MACROD2: variants seen among roughly 807,000 people sequenced by gnomAD.
The protein encoded by MACROD2 is ADP-ribose glycohydrolase MACROD2.
A neutral mutation model predicts 70.4 loss-of-function variants in MACROD2; 36 were observed. The ratio of observed to expected loss-of-function variants is 0.51; its 90% CI spans 0.39 to 0.68. The LOEUF (loss-of-function observed/expected upper bound fraction) is 0.68. Among genes scored for constraint, MACROD2 ranks in the 30% least tolerant of loss-of-function variants. MACROD2 has a pLI of 0.00. For missense variants in MACROD2, 496 were observed against 538.4 expected (o/e 0.92, Z 0.78); for synonymous variants, 172 against 178.8 (o/e 0.96, Z 0.30).
chr20:14,651,837 C>T (rs553381053), intron 4 of MACROD2, among the ~76,000 whole-genome samples: 6 of 152,292 alleles, frequency 3.9e-5, no homozygotes, highest in East Asian at 3.9e-4. Flanking sequence ...ATTCCCACTG[C>T]GGATTTCTGT....
intron 3 of MACROD2, among the ~76,000 whole-genome samples, chr20:14,483,203 T>C (rs2084682522): frequency 6.6e-6 from 1 of 152,192 alleles, no homozygotes; most frequent in South Asian, 2.1e-4. Flanking sequence ...AGTGGGTGCC[T>C]AGTACAATGT....
intron 5 of MACROD2, among the ~76,000 whole-genome samples, chr20:15,084,159 G>T (rs552911072): frequency 6.6e-6 from 1 of 150,524 alleles, no homozygotes; most frequent in African/African-American, 2.4e-5. Context: ...TCTGCCTCCC[G>T]GGTTCAAGTG....
At chr20:15,109,465 T>TCA (rs2075937797) in intron 5 of MACROD2, among the ~76,000 whole-genome samples, 1 of 152,096 alleles carries the variant, frequency 6.6e-6, no homozygotes, top group Admixed American at 6.6e-5. Flanking sequence ...GTGCTTAATG[T>TCA]GGAAGAGGTA....
Position 14,645,755 on chromosome 20 carries a change from C to G in MACROD2, c.302-39088C>G, listed in dbSNP as rs944887668. Among the ~76,000 whole-genome samples the G allele has an allele frequency of 2.0e-5, 3 of 151,782 alleles. No homozygotes were observed. In the East Asian group the frequency reaches 5.8e-4, roughly 29 times the overall value. ...CATTTGAAGGATTCTTTCAAAAGTACGTGGTGCTCAAGATGGATTTAAATG... is the reference window on the plus strand; with the variant it reads ...CATTTGAAGGATTCTTTCAAAAGTAGGTGGTGCTCAAGATGGATTTAAATG... On this transcript the variant is annotated intron_variant, in intron 4 of 17. Coordinates refer to ENST00000684519, the MANE Select transcript of MACROD2 (RefSeq NM_001351661.2).
intron 5 of MACROD2, among the ~76,000 whole-genome samples, chr20:14,727,530 G>A (rs991755485): frequency 6.6e-6 from 1 of 151,976 alleles, no homozygotes; most frequent in African/African-American, 2.4e-5. Flanking sequence ...GTGAGACCCT[G>A]TCTCAAAACA....
chr20:15,950,593 C>T (rs1364975968), intron 12 of MACROD2, among the ~76,000 whole-genome samples: 20 of 152,176 alleles, frequency 1.3e-4, no homozygotes, highest in Admixed American at 1.3e-4. Context: ...TAGAATGGCA[C>T]GTCATTGTAT....
At chr20:14,233,723 AGAAAAGAAAT>A (rs1569219211) in intron 3 of MACROD2, among the ~76,000 whole-genome samples, 5 of 149,990 alleles carry the variant, frequency 3.3e-5, no homozygotes, top group African/African-American at 2.4e-5. Flanking sequence ...AGAAAAGAAA[AGAAAAGAAAT>A]GAACTAACAA....
chr20:14,838,645 T>C (rs557893472), intron 5 of MACROD2, among the ~76,000 whole-genome samples: 1 of 152,292 alleles, frequency 6.6e-6, no homozygotes, highest in Middle Eastern at 3.4e-3. Context: ...GATTAGTGAA[T>C]GGCAGAGCTG....
At chr20:15,940,072 AG>A (rs2065728082) in intron 12 of MACROD2, among the ~76,000 whole-genome samples, 1 of 152,126 alleles carries the variant, frequency 6.6e-6, no homozygotes, top group Non-Finnish European at 1.5e-5. Flanking sequence ...TGAAGACAGC[AG>A]GTTTGAGAGT....
chr20:15,319,892 A>G (rs1018668115), intron 6 of MACROD2, among the ~76,000 whole-genome samples: 1 of 152,244 alleles, frequency 6.6e-6, no homozygotes, highest in Non-Finnish European at 1.5e-5. Context: ...ATTATATGAA[A>G]TATCTAGAAT....
chr20:14,492,282 A>G (rs1323706351), intron 3 of MACROD2, among the ~76,000 whole-genome samples: 1 of 152,204 alleles, frequency 6.6e-6, no homozygotes, highest in Admixed American at 6.5e-5. Flanking sequence ...TGACAACAGC[A>G]CTGAGGGCAA....
At chr20:14,615,796 A>G (rs1166231905) in intron 4 of MACROD2, among the ~76,000 whole-genome samples, 5 of 152,274 alleles carry the variant, frequency 3.3e-5, no homozygotes, top group African/African-American at 1.2e-4. Flanking sequence ...AAACTACACT[A>G]AGGATCAATG....
At chr20:15,726,646 C>T (rs1293992744) in intron 8 of MACROD2, among the ~76,000 whole-genome samples, 1 of 152,058 alleles carries the variant, frequency 6.6e-6, no homozygotes, top group African/African-American at 2.4e-5. Context: ...GATGGTATCT[C>T]ATTGTGGTTT....
At chr20:14,138,409 G>A (rs545976981) in intron 3 of MACROD2, among the ~76,000 whole-genome samples, 1 of 152,200 alleles carries the variant, frequency 6.6e-6, no homozygotes, top group South Asian at 2.1e-4. Context: ...TTTATATGCA[G>A]TGGAATATCA....
intron 4 of MACROD2, among the ~76,000 whole-genome samples, chr20:14,597,749 A>G (rs888580160): frequency 6.6e-6 from 1 of 152,036 alleles, no homozygotes; most frequent in Non-Finnish European, 1.5e-5. Context: ...TTTTTTTGGT[A>G]AAGTCTCCTA....
chr20:14,842,937 A>G (rs1372836080), intron 5 of MACROD2, among the ~76,000 whole-genome samples: 1 of 152,020 alleles, frequency 6.6e-6, no homozygotes, highest in Non-Finnish European at 1.5e-5. Flanking sequence ...GTGCACTTTC[A>G]TAGTTGTTTT....
chr20:14,844,241 G>C (rs1260808493), intron 5 of MACROD2, among the ~76,000 whole-genome samples: 1 of 151,932 alleles, frequency 6.6e-6, no homozygotes, highest in East Asian at 1.9e-4. Flanking sequence ...GCAAAGTACT[G>C]GTTCAAAAAA....
At position 15,008,892 on chromosome 20, in the gene MACROD2, C is replaced by A. The variant is rs567727306; in HGVS notation, c.419-221048C>A. On this transcript the variant is annotated intron_variant, in intron 5 of 17. Coordinates refer to ENST00000684519, the MANE Select transcript of MACROD2 (RefSeq NM_001351661.2). ...CATCATGGTTGGATGGATTTTTTTCCTTTTCTCTTTCCTTTTCTGTGGGTT... is the reference window on the plus strand; with the variant it reads ...CATCATGGTTGGATGGATTTTTTTCATTTTCTCTTTCCTTTTCTGTGGGTT... Among the ~76,000 whole-genome samples the A allele has an allele frequency of 3.3e-5, 5 of 151,866 alleles. No individual in the cohort carries two copies. The East Asian group carries it at 9.7e-4, about 29-fold the overall frequency.
chr20:14,616,404 AT>A (rs1304725320), intron 4 of MACROD2, among the ~76,000 whole-genome samples: 1 of 152,058 alleles, frequency 6.6e-6, no homozygotes, highest in African/African-American at 2.4e-5. Flanking sequence ...CTCCAATTAT[AT>A]GTCATCTATT....
Sources: gnomAD v4.1 joint callset for allele counts (sites outside exome capture counted in the v4.1 genomes callset) on GRCh38, gnomAD v4.1.1 for gene constraint, MANE v1.5 for transcripts, NCBI Gene and HGNC (gene_info 2026-07-23, HGNC 2026-07-21) for gene names.